FBN1: variants seen among roughly 807,000 people sequenced by gnomAD.
FBN1 encodes fibrillin-1.
FBN1 carries 29 observed loss-of-function variants against 365.1 expected under a neutral mutation model. That is an observed-to-expected ratio of 0.08 (90% CI 0.06 to 0.11). The LOEUF is 0.11. Among genes scored for constraint, FBN1 ranks in the 10% least tolerant of loss-of-function variants. The pLI is 1.00. For synonymous variants in FBN1, 1,210 were observed against 1,270.5 expected (o/e 0.95, Z 1.01); for missense variants, 2,476 against 3,703.2 (o/e 0.67, Z 8.60).
chr15:48,530,287 C>T (rs570557918), intron 8 of FBN1, among the ~76,000 whole-genome samples: 3 of 149,030 alleles, frequency 2.0e-5, no homozygotes, highest in Admixed American at 6.7e-5. Flanking sequence ...CTGCATCCGC[C>T]GCCTGATCAC....
rs770484928 is a variant in FBN1 at position 48,411,201 on chromosome 15, C to T, written c.8405G>A (p.Gly2802Asp). Residue 2802 changes from glycine to aspartate, a missense_variant, in exon 66 of 66, where the codon GGC becomes GAC. Coordinates refer to ENST00000316623, the MANE Select transcript of FBN1 (RefSeq NM_000138.5). ...TTCCTTTTGGTTGATTTTAAAGAAG[C>T]CATCTTCATTTCCAGATTCGATCAA... is the stretch of plus-strand genomic sequence containing the variant. Reference protein sequence around the residue: ...RYLIESGNEDGFFKINQKEGI... With the variant: ...RYLIESGNEDDFFKINQKEGI... The T allele has an allele frequency of 1.2e-6, 2 of 1,614,102 alleles. No individual in the cohort carries two copies. Among genetic ancestry groups the T allele is most frequent in the Non-Finnish European group, 1.7e-6 (2 of 1,179,996 alleles).
In FBN1 at chr15:48,463,159, T is replaced by C. The variant is rs2043292832; in HGVS notation, c.5147A>G (p.Lys1716Arg). 3 of 1,614,196 alleles carry C rather than the reference T, an allele frequency of 1.9e-6. No individual in the cohort carries two copies. The East Asian group carries it at 6.7e-5, about 36-fold the overall frequency. Residue 1716 changes from lysine (K) to arginine (R), a missense_variant, in exon 42 of 66, where the codon AAG becomes AGG. By Grantham distance (26) the Lys-to-Arg change is conservative. Transcript: ENST00000316623. ...GTTGTAGGAACAGCAGCACATCTTC[T>C]TGGTCATGTTGAATAACAATTCTCC... ...CDGELLFNMT[K>R]KMCCCSYNIG...
intron 6 of FBN1, among the ~76,000 whole-genome samples, chr15:48,593,472 T>C (rs182724663): frequency 1.5e-3 from 236 of 152,346 alleles, no homozygotes; most frequent in African/African-American, 5.5e-3. Context: ...CTTGTGGACC[T>C]GAAAGATCAT....
At chr15:48,642,892 C>G (rs1167450967) in intron 2 of FBN1, 1 of 152,042 alleles carries the variant, frequency 6.6e-6, no homozygotes, top group Non-Finnish European at 1.5e-5. Context: ...AATTTAAAAC[C>G]AGAGAGAAAA....
chr15:48,523,652 G>A (rs1322163264), intron 9 of FBN1, among the ~76,000 whole-genome samples: 1 of 144,944 alleles, frequency 6.9e-6, no homozygotes, highest in Non-Finnish European at 1.5e-5. Flanking sequence ...TGACCTCCAG[G>A]ACACAGCAGC....
chr15:48,613,799 G>A (rs956525929), intron 2 of FBN1, among the ~76,000 whole-genome samples: 8 of 152,048 alleles, frequency 5.3e-5, no homozygotes, highest in Non-Finnish European at 8.8e-5. Context: ...ATGGTGGCAC[G>A]CACCTGTAGT....
chr15:48,408,482 G>C lies in FBN1; in HGVS notation c.*2508C>G, dbSNP rs1381333161. The C allele has an allele frequency of 6.6e-6, 1 of 152,642 alleles. No homozygotes were observed. Among genetic ancestry groups the C allele is most frequent in the Admixed American group, 6.5e-5 (1 of 15,284 alleles). 9.5% of individuals were successfully genotyped at this position (152,642 alleles called of 1,614,324 possible). On this transcript the variant is annotated 3_prime_UTR_variant, in exon 66 of 66. Coordinates refer to ENST00000316623, the MANE Select transcript of FBN1 (RefSeq NM_000138.5). ...GTTTAAACATTTCACAAGGCCAGCT[G>C]AGTTCATTTCAACCCTACTTACAAA...
chr15:48,547,683 A>G (rs2044104588), intron 6 of FBN1, among the ~76,000 whole-genome samples: 1 of 151,802 alleles, frequency 6.6e-6, no homozygotes, highest in African/African-American at 2.4e-5. Context: ...GTGCTAATAG[A>G]TATGTGGTAT....
intron 55 of FBN1, 52 bp from the exon 56 acceptor site, chr15:48,430,854 C>T (rs1004633204): frequency 6.4e-7 from 1 of 1,574,324 alleles, no homozygotes; most frequent in African/African-American, 1.3e-5. Flanking sequence ...ATATATCTGC[C>T]TTAATTACCT....
At chr15:48,418,611 T>G (rs1490753627) in intron 63 of FBN1, among the ~76,000 whole-genome samples, 1 of 152,244 alleles carries the variant, frequency 6.6e-6, no homozygotes, top group Non-Finnish European at 1.5e-5. Flanking sequence ...CTCTGCACTC[T>G]GGAGCAAATG....
At chr15:48,487,544 T>C (rs1437682170) in intron 27 of FBN1, 107 bp from the exon 28 acceptor site, 6 of 1,486,124 alleles carry the variant, frequency 4.0e-6, no homozygotes, top group Non-Finnish European at 5.6e-6. Flanking sequence ...CCTCCTTGTC[T>C]CAAGGTGGGA....
chr15:48,609,854 C>T (rs1328653427), intron 4 of FBN1, among the ~76,000 whole-genome samples: 2 of 152,192 alleles, frequency 1.3e-5, no homozygotes, highest in East Asian at 3.8e-4. Flanking sequence ...GAGAGACACA[C>T]TCAAATGTTC....
rs1331056622 is a variant in FBN1, at chr15:48,481,581, A to G, written c.3964+74T>C. 9 of 1,446,038 alleles carry G rather than the reference A, an allele frequency of 6.2e-6. No homozygotes were observed. In the East Asian group the frequency reaches 1.8e-4, roughly 30 times the overall value. The allele number at this position is 1,446,038 out of a possible 1,614,324, so 89.6% of individuals were successfully genotyped here. A position where few individuals can be genotyped will look rare whatever the true frequency, so the allele number is the denominator to read the frequency against. On this transcript the variant is annotated intron_variant, in intron 32 of 65. Transcript: ENST00000316623. Reference sequence around the variant, plus strand: ...AGTTAAAATGTATGAGTTTTAAAACATGTATCAATCTATAATTATGATACC... The same window carrying G: ...AGTTAAAATGTATGAGTTTTAAAACGTGTATCAATCTATAATTATGATACC...
At position 48,495,155 on chromosome 15, in the gene FBN1, G is replaced by A. The variant is rs794728195; in HGVS notation, c.2645C>T (p.Ala882Val). ...KSQCCSSLGA[A>V]WGSPCTLCQV... The stretch of plus-strand genomic sequence containing the variant: ...GCATAGGGTGCACGGGCTTCCCCAC[G>A]CAGCACCGAGGGAGGAGCAGCACTG... The change falls in exon 22 of 66, where the codon GCG becomes GTG. Residue 882 changes from alanine to valine, a missense_variant. Around this residue, in one of 5 missense-constraint regions of FBN1, gnomAD observed 1,780 missense variants for 2,840.8 expected, o/e 0.63. Transcript: ENST00000316623. 1.2e-6 allele frequency: 2 copies of A among 1,614,166 alleles called. No homozygotes were observed. Among genetic ancestry groups the A allele is most frequent in the Non-Finnish European group, 1.7e-6 (2 of 1,180,020 alleles).
chr15:48,633,678 G>A lies in FBN1; in HGVS notation c.164+10928C>T, dbSNP rs557389354. On this transcript the variant is annotated intron_variant, in intron 2 of 65. Transcript: ENST00000316623. The stretch of plus-strand genomic sequence containing the variant: ...ACCCCTTCAGGGCTGACCGCTGAGA[G>A]AGTAATCACACTGCCTAAGATCAAA... Among the ~76,000 whole-genome samples the A allele has an allele frequency of 3.0e-4, 46 of 152,272 alleles. No individual in the cohort carries two copies. In the South Asian group the frequency reaches 8.9e-3, roughly 30 times the overall value.
intron 6 of FBN1, among the ~76,000 whole-genome samples, chr15:48,547,364 A>G (rs933351944): frequency 1.3e-5 from 2 of 152,172 alleles, no homozygotes; most frequent in African/African-American, 4.8e-5. Flanking sequence ...GAGGAACTCC[A>G]CTGCCCCTTT....
chr15:48,421,549 T>G lies in FBN1; in HGVS notation c.7699+9A>C. 1 of 1,611,476 alleles carries G rather than the reference T, an allele frequency of 6.2e-7. No individual in the cohort carries two copies. Among genetic ancestry groups the G allele is most frequent in the South Asian group, 1.1e-5 (1 of 90,544 alleles). On this transcript the variant is annotated intron_variant, in intron 62 of 65. Coordinates refer to ENST00000316623, the MANE Select transcript of FBN1 (RefSeq NM_000138.5). Reference sequence around the variant, plus strand: ...CACCAGCTGGATCGCAGCTGAAGTCTCCACCCACCTTCACAGCTGGAGCCG... The same window carrying G: ...CACCAGCTGGATCGCAGCTGAAGTCGCCACCCACCTTCACAGCTGGAGCCG...
intron 46 of FBN1, among the ~76,000 whole-genome samples, chr15:48,447,852 T>A (rs2043171422): frequency 6.6e-6 from 1 of 152,208 alleles, no homozygotes; most frequent in South Asian, 2.1e-4. Flanking sequence ...CCCAGATGAG[T>A]CATTGCTAGT....
chr15:48,523,630 A>G (rs1317888835), intron 9 of FBN1, among the ~76,000 whole-genome samples: 1 of 147,274 alleles, frequency 6.8e-6, no homozygotes, highest in East Asian at 2.0e-4. Context: ...ATTGGAAACC[A>G]TTTGGAGTAA....
Sources: gnomAD v4.1 joint callset for allele counts (sites outside exome capture counted in the v4.1 genomes callset) on GRCh38, gnomAD v4.1.1 for gene constraint, gnomAD v4.1.1 regional missense constraint, MANE v1.5 for transcripts, NCBI Gene and HGNC (gene_info 2026-07-23, HGNC 2026-07-21) for gene names.